The following MMP26 variants were observed in gnomAD, a reference collection of about 807,000 sequenced individuals.
The protein encoded by MMP26 is matrix metallopeptidase 26, also known as matrix metalloproteinase-26.
Under a neutral mutation model 31.0 loss-of-function variants are expected in MMP26, and 33 were observed. That is an observed-to-expected ratio of 1.06 (90% CI 0.81 to 1.42). MMP26 has a LOEUF of 1.42. Ranked by LOEUF, MMP26 falls within the 40% of genes most tolerant of loss-of-function variation. The probability of loss-of-function intolerance (pLI) is 0.00; values close to 1 mark genes in which losing one functional copy is unlikely to be tolerated. For synonymous variants in MMP26, 122 were observed against 114.9 expected, an observed-to-expected ratio of 1.06 and a Z score of -0.40; for missense variants, 347 against 316.1, an observed-to-expected ratio of 1.10 and a Z score of -0.74.
At chr11:4,875,544 T>G (rs1417305503) in intron 2 of MMP26, 1 of 152,126 alleles carries the variant, frequency 6.6e-6, no homozygotes, top group Non-Finnish European at 1.5e-5. Context: ...TAAAGGCCAC[T>G]AATATTCCTT....
At chr11:4,966,356 C>T (rs1846594611) in intron 2 of MMP26, among the ~76,000 whole-genome samples, 1 of 152,148 alleles carries the variant, frequency 6.6e-6, no homozygotes, top group Non-Finnish European at 1.5e-5. Context: ...GCTCTAACAG[C>T]TTGCCACTGC....
rs77225951 is a variant in MMP26 at position 4,729,890 on chromosome 11, C to A, written c.-217+24845C>A. The stretch of plus-strand genomic sequence containing the variant: ...TGGTCTGATGACCTACGTGATGCAT[C>A]GTAAAGTTAAGTAATATCTGCACTC... On this transcript the variant is annotated intron_variant, in intron 1 of 7. Transcript: ENST00000380390. 2.5e-3 allele frequency among the ~76,000 whole-genome samples: 377 copies of A among 151,602 alleles called. 1 individual carries two copies. The highest frequency in any genetic ancestry group is 8.8e-3 in the African/African-American group (366 of 41,420).
At chr11:4,949,700 G>C (rs12575124) in intron 2 of MMP26, among the ~76,000 whole-genome samples, 88,618 of 120,680 alleles carry the variant, frequency 0.73, 38,439 homozygotes, top group Middle Eastern at 0.88. Flanking sequence ...AAATAAACTG[G>C]TAAAATCAGA....
intron 2 of MMP26, among the ~76,000 whole-genome samples, chr11:4,838,928 C>A (rs1024872129): frequency 6.6e-6 from 1 of 152,158 alleles, no homozygotes; most frequent in South Asian, 2.1e-4. Context: ...GCCGATGCCG[C>A]GCTGCCCCTG....
At position 4,822,069 on chromosome 11, in the gene MMP26, C is replaced by A. The variant is rs572800750; in HGVS notation, c.-145+54728C>A. ...CTACAGGGTTTGACTGCCCTTGCAT[C>A]CTGCTCTCCTATATCCTGATCATTC... On this transcript the variant is annotated intron_variant, in intron 2 of 7. Transcript: ENST00000380390. The A allele has an allele frequency of 2.5e-6, 4 of 1,613,580 alleles. No individual in the cohort carries two copies. In the East Asian group the frequency reaches 8.9e-5, roughly 36 times the overall value.
intron 2 of MMP26, among the ~76,000 whole-genome samples, chr11:4,868,263 A>T (rs1402938987): frequency 6.6e-6 from 1 of 152,154 alleles, no homozygotes; most frequent in Non-Finnish European, 1.5e-5. Flanking sequence ...AGTTAGGAAA[A>T]GTGGAACTCA....
intron 2 of MMP26, chr11:4,924,324 TAAG>T (rs1295546830): frequency 4.4e-6 from 7 of 1,607,156 alleles, no homozygotes; most frequent in East Asian, 4.5e-5. Flanking sequence ...AGGCTGCTAT[TAAG>T]AAGAATTGTC....
At chr11:4,903,183 A>T (rs934361885) in intron 2 of MMP26, among the ~76,000 whole-genome samples, 14 of 152,122 alleles carry the variant, frequency 9.2e-5, no homozygotes, top group African/African-American at 1.4e-4. Context: ...AAAACGCAGG[A>T]TACTCCTCGG....
intron 2 of MMP26, among the ~76,000 whole-genome samples, chr11:4,952,529 T>C (rs1354363208): frequency 1.6e-5 from 2 of 125,806 alleles, no homozygotes; most frequent in Non-Finnish European, 3.6e-5. Context: ...CTTGCCCTGA[T>C]CTGATAATAG....
chr11:4,884,566 C>A (rs768822604), intron 2 of MMP26, among the ~76,000 whole-genome samples: 1 of 152,010 alleles, frequency 6.6e-6, no homozygotes, highest in Non-Finnish European at 1.5e-5. Context: ...AGTCTCTGAC[C>A]CTGAAATTAA....
intron 2 of MMP26, among the ~76,000 whole-genome samples, chr11:4,932,064 A>G (rs1327584156): frequency 6.6e-6 from 1 of 152,130 alleles, no homozygotes; most frequent in Admixed American, 6.6e-5. Flanking sequence ...CAGCTGAAAT[A>G]GCACTTACTA....
chr11:4,863,833 A>G (rs1850198009), intron 2 of MMP26, among the ~76,000 whole-genome samples: 1 of 152,110 alleles, frequency 6.6e-6, no homozygotes, highest in Admixed American at 6.6e-5. Context: ...GGATTCTAAA[A>G]ATTTCCTTTA....
chr11:4,910,761 A>G (rs965874591), intron 2 of MMP26, among the ~76,000 whole-genome samples: 1 of 152,148 alleles, frequency 6.6e-6, no homozygotes, highest in Non-Finnish European at 1.5e-5. Flanking sequence ...TACTTGGCAC[A>G]TATTTGGACA....
In MMP26 at chr11:4,952,573, T is replaced by C. The variant is rs540586519; in HGVS notation, c.-144-35495T>C. On this transcript the variant is annotated intron_variant, in intron 2 of 7. Coordinates refer to ENST00000380390, the MANE Select transcript of MMP26 (RefSeq NM_021801.5). ...ATACTAGGACAGGTTTGTGAAAACA[T>C]ATGTAGTTCTGAATTTAAAAACTAA... Among the ~76,000 whole-genome samples, 5 of 125,430 alleles carry C rather than the reference T, an allele frequency of 4.0e-5. 1 individual carries two copies. The highest frequency in any genetic ancestry group is 1.3e-4 in the African/African-American group (5 of 37,076). 82.3% of individuals were successfully genotyped at this position (125,430 alleles called of 152,430 possible).
At chr11:4,892,310 G>C (rs763420720) in intron 2 of MMP26, among the ~76,000 whole-genome samples, 11 of 152,164 alleles carry the variant, frequency 7.2e-5, no homozygotes, top group African/African-American at 2.7e-4. Context: ...TTTGGACAGT[G>C]TATCATTAAT....
rs754454942 is a variant in MMP26, at chr11:4,915,055, G to A, written c.-144-73013G>A. 62 of 1,613,982 alleles carry A rather than the reference G, an allele frequency of 3.8e-5. 1 individual carries two copies. In the South Asian group the frequency reaches 4.4e-4, roughly 11 times the overall value. ...CTGTAGAGACGATGACAAACATGCC[G>A]TAGATGCTGTTGGCCTTCATGTCGG... On this transcript the variant is annotated intron_variant, in intron 2 of 7. Transcript: ENST00000380390.
At chr11:4,715,460 C>T (rs931871255) in intron 1 of MMP26, among the ~76,000 whole-genome samples, 2 of 151,532 alleles carry the variant, frequency 1.3e-5, no homozygotes, top group Admixed American at 6.6e-5. Context: ...ATACGTAGTT[C>T]GGTGGATCAA....
At chr11:4,946,169 C>A (rs138815727) in intron 2 of MMP26, 1 of 1,613,690 alleles carries the variant, frequency 6.2e-7, no homozygotes, top group African/African-American at 1.3e-5. Context: ...TTAAATCTTC[C>A]GTTGACACAA....
intron 1 of MMP26, among the ~76,000 whole-genome samples, chr11:4,737,300 A>T (rs944578219): frequency 1.3e-5 from 2 of 152,016 alleles, no homozygotes; most frequent in Non-Finnish European, 2.9e-5. Context: ...CTTCCTCTTC[A>T]TGATTCTTGT....
Sources: allele counts gnomAD v4.1 joint callset (sites outside exome capture counted in the v4.1 genomes callset), GRCh38; gene constraint gnomAD v4.1.1; transcripts MANE v1.5; gene names NCBI Gene and HGNC (gene_info 2026-07-23, HGNC 2026-07-21).